The following ACTR3 variants were observed in gnomAD, a reference collection of about 807,000 sequenced individuals.
The protein encoded by ACTR3 is actin-related protein 3.
ACTR3 carries 12 observed loss-of-function variants against 56.8 expected under a neutral mutation model. The observed-to-expected ratio is 0.21, with a 90% CI of 0.14 to 0.34. The LOEUF (loss-of-function observed/expected upper bound fraction) is 0.34, where lower values mean the gene tolerates loss of function less well. Among genes scored for constraint, ACTR3 ranks in the 10% least tolerant of loss-of-function variants. ACTR3 has a pLI of 1.00. For missense variants in ACTR3, 282 were observed against 512.5 expected (o/e 0.55, Z 4.34); for synonymous variants, 162 against 167.4 (o/e 0.97, Z 0.25).
chr2:113,939,847 A>T (rs1372636904), intron 6 of ACTR3, 112 bp from the exon 7 acceptor site: 1 of 920,206 alleles, frequency 1.1e-6, no homozygotes, highest in East Asian at 2.7e-5. Flanking sequence ...GCAGTACTTG[A>T]GACTATAAAT....
At chr2:113,941,605 TATG>T (rs775512061) in intron 7 of ACTR3, among the ~76,000 whole-genome samples, 3 of 152,202 alleles carry the variant, frequency 2.0e-5, no homozygotes, top group Non-Finnish European at 4.4e-5. Flanking sequence ...AAATTACAAA[TATG>T]ATGTTATAAT....
chr2:113,911,839 C>T (rs764229385), intron 1 of ACTR3, among the ~76,000 whole-genome samples: 26 of 152,078 alleles, frequency 1.7e-4, no homozygotes, highest in Admixed American at 7.9e-4. Context: ...TAAGTTCAAG[C>T]GATTCTCTTG....
At chr2:113,929,234 C>T (rs1158884154) in intron 4 of ACTR3, among the ~76,000 whole-genome samples, 3 of 151,838 alleles carry the variant, frequency 2.0e-5, no homozygotes, top group Non-Finnish European at 4.4e-5. Flanking sequence ...TGTTGACCTC[C>T]CAGCTCAAAC....
At chr2:113,907,320 A>T (rs1432062124) in intron 1 of ACTR3, among the ~76,000 whole-genome samples, 1 of 152,120 alleles carries the variant, frequency 6.6e-6, no homozygotes, top group East Asian at 1.9e-4. Context: ...TGCCCAACTG[A>T]AGTGCAGTGG....
At chr2:113,903,861 C>CT (rs35970139) in intron 1 of ACTR3, among the ~76,000 whole-genome samples, 1,720 of 140,284 alleles carry the variant, frequency 0.012, 16 homozygotes, top group African/African-American at 0.028. Context: ...AAGTGTGTCA[C>CT]TTTTTTTTTT....
chr2:113,890,381 G>C, intron 1 of ACTR3, 58 bp downstream of exon 1: 3 of 1,415,134 alleles, frequency 2.1e-6, no homozygotes, highest in Non-Finnish European at 2.9e-6. Flanking sequence ...AAGATGGCGG[G>C]GGAGGGAGGA....
chr2:113,946,986 T>C (rs547823897), intron 8 of ACTR3, among the ~76,000 whole-genome samples: 2 of 152,350 alleles, frequency 1.3e-5, no homozygotes, highest in East Asian at 3.9e-4. Flanking sequence ...TCCTTGGTCA[T>C]TTACCTTTCC....
chr2:113,946,306 T>C (rs1404724340), intron 8 of ACTR3, among the ~76,000 whole-genome samples: 3 of 152,012 alleles, frequency 2.0e-5, no homozygotes, highest in Non-Finnish European at 4.4e-5. Context: ...TTTTTTTCTT[T>C]TTAAATTGTA....
rs1311055697 is a variant in ACTR3, at chr2:113,911,650, C to T, written c.45-1522C>T. Among the ~76,000 whole-genome samples the T allele has an allele frequency of 2.0e-5, 3 of 151,862 alleles. No homozygotes were observed. The East Asian group carries it at 5.8e-4, about 29-fold the overall frequency. On this transcript the variant is annotated intron_variant, in intron 1 of 11. Transcript: ENST00000263238. ...GTCAGGCTGGTCTCGAATTCCTCAC[C>T]TCAAGTGATCCTCTCTCCTCGGCCT... is the stretch of plus-strand genomic sequence containing the variant.
chr2:113,906,456 C>G (rs1679193581), intron 1 of ACTR3, among the ~76,000 whole-genome samples: 1 of 152,112 alleles, frequency 6.6e-6, no homozygotes, highest in African/African-American at 2.4e-5. Context: ...CTTTGATACA[C>G]AAGTTTTTAA....
chr2:113,933,984 A>C, intron 5 of ACTR3: 1 of 321,792 alleles, frequency 3.1e-6, no homozygotes, highest in South Asian at 2.9e-5. Flanking sequence ...TGTTTAATGC[A>C]ATCTTCCACA....
intron 2 of ACTR3, among the ~76,000 whole-genome samples, chr2:113,914,246 C>T (rs1426725236): frequency 1.3e-5 from 2 of 152,132 alleles, no homozygotes; most frequent in African/African-American, 4.8e-5. Flanking sequence ...CTTGAGCACT[C>T]ATTGGACACA....
In ACTR3 at chr2:113,959,354, G is replaced by A. The variant is rs1356591141; in HGVS notation, c.*1899G>A. ...TATTGATAAGCAGTAAAGATGTCAT[G>A]CTCCTGGCCCAATAAAATATTGTTA... On this transcript the variant is annotated 3_prime_UTR_variant, in exon 12 of 12. Coordinates refer to ENST00000263238, the MANE Select transcript of ACTR3 (RefSeq NM_005721.5). The A allele has an allele frequency of 6.6e-6, 1 of 151,950 alleles. No individual in the cohort carries two copies. Among genetic ancestry groups the A allele is most frequent in the Non-Finnish European group, 1.5e-5 (1 of 67,896 alleles). 9.4% of individuals were successfully genotyped at this position (151,950 alleles called of 1,614,324 possible).
chr2:113,940,258 T>G (rs1185887464), intron 7 of ACTR3, 156 bp downstream of exon 7: 1 of 557,332 alleles, frequency 1.8e-6, no homozygotes, highest in Non-Finnish European at 2.8e-6. Context: ...TTCTTTGTGT[T>G]TCTTAAAAGA....
chr2:113,960,227 A>G lies in ACTR3; in HGVS notation c.*2772A>G, dbSNP rs1680301330. 6.6e-6 allele frequency: 1 copy of G among 151,982 alleles called. No individual in the cohort carries two copies. Among genetic ancestry groups the G allele is most frequent in the South Asian group, 2.1e-4 (1 of 4,824 alleles). The allele number at this position is 151,982 out of a possible 1,614,324, so 9.4% of individuals were successfully genotyped here. The stretch of plus-strand genomic sequence containing the variant: ...GATGCCTGCTTTTCAAAAAGTGAGC[A>G]AATTTCACATCTTCACCCTTAGACA... On this transcript the variant is annotated 3_prime_UTR_variant, in exon 12 of 12. Coordinates refer to ENST00000263238, the MANE Select transcript of ACTR3 (RefSeq NM_005721.5).
chr2:113,892,828 T>C (rs933241289), intron 1 of ACTR3, among the ~76,000 whole-genome samples: 3 of 152,142 alleles, frequency 2.0e-5, no homozygotes, highest in African/African-American at 7.2e-5. Flanking sequence ...GAAAGGTGGC[T>C]GAAAAAAAGT....
chr2:113,891,876 T>C (rs1487902360), intron 1 of ACTR3, among the ~76,000 whole-genome samples: 2 of 152,186 alleles, frequency 1.3e-5, no homozygotes, highest in African/African-American at 2.4e-5. Context: ...GTCTCATTTC[T>C]CTGAACCAAT....
chr2:113,907,497 C>A (rs1273037124), intron 1 of ACTR3, among the ~76,000 whole-genome samples: 1 of 152,148 alleles, frequency 6.6e-6, no homozygotes, highest in Non-Finnish European at 1.5e-5. Context: ...AAGTGACCTT[C>A]CTGCTTTGGC....
intron 1 of ACTR3, among the ~76,000 whole-genome samples, chr2:113,897,693 A>G (rs933730434): frequency 1.3e-5 from 2 of 151,680 alleles, no homozygotes; most frequent in African/African-American, 2.4e-5. Context: ...TGCCTGGCTA[A>G]TTTTTGTGTT....
Sources: allele counts gnomAD v4.1 joint callset (sites outside exome capture counted in the v4.1 genomes callset), GRCh38; gene constraint gnomAD v4.1.1; transcripts MANE v1.5; gene names NCBI Gene and HGNC (gene_info 2026-07-23, HGNC 2026-07-21).